SIPA1L2: variants seen among roughly 807,000 people sequenced by gnomAD.
SIPA1L2 encodes the protein signal induced proliferation associated 1 like 2.
Under a neutral mutation model 163.9 loss-of-function variants are expected in SIPA1L2, and 56 were observed. That is an observed-to-expected ratio of 0.34 (90% CI 0.28 to 0.43). SIPA1L2 has a LOEUF of 0.43. SIPA1L2 is among the 20% of genes least tolerant of loss of function. The pLI is 1.00. For synonymous variants in SIPA1L2, 877 were observed against 865.7 expected, an observed-to-expected ratio of 1.01 and a Z score of -0.23; for missense variants, 1,974 against 2,193.5, an observed-to-expected ratio of 0.90 and a Z score of 2.00.
At chr1:232,521,910 G>A (rs1667476088) in intron 2 of SIPA1L2, among the ~76,000 whole-genome samples, 1 of 152,032 alleles carries the variant, frequency 6.6e-6, no homozygotes, top group Admixed American at 6.5e-5. Context: ...GTCCAAAGAT[G>A]TCTCACAGTT....
At chr1:232,486,507 C>G (rs538105752) in intron 5 of SIPA1L2, among the ~76,000 whole-genome samples, 1 of 152,278 alleles carries the variant, frequency 6.6e-6, no homozygotes, top group African/African-American at 2.4e-5. Context: ...CCTCAGATGT[C>G]TTAGGACAGC....
intron 22 of SIPA1L2, among the ~76,000 whole-genome samples, chr1:232,401,583 CAT>C (rs1660344242): frequency 1.3e-5 from 2 of 152,184 alleles, no homozygotes; most frequent in African/African-American, 4.8e-5. Context: ...TGAACACACA[CAT>C]GTGCACACAT....
intron 1 of SIPA1L2, among the ~76,000 whole-genome samples, chr1:232,604,934 C>T (rs542955217): frequency 8.7e-4 from 133 of 152,262 alleles, no homozygotes; most frequent in Non-Finnish European, 1.5e-3. Context: ...TCATGCTTCC[C>T]GTGCAGCCTG....
Position 232,610,464 on chromosome 1 carries a change from G to A in SIPA1L2, c.-319+19405C>T, listed in dbSNP as rs73099526. On this transcript the variant is annotated intron_variant, in intron 1 of 22. Transcript: ENST00000674635. Reference sequence around the variant, plus strand: ...CAAGACACAAAAACTCGGTGCTATGGAAGATGTAAAGAGGGAAATGTGCCT... The same window carrying A: ...CAAGACACAAAAACTCGGTGCTATGAAAGATGTAAAGAGGGAAATGTGCCT... Among the ~76,000 whole-genome samples the A allele has an allele frequency of 8.2e-3, 1,255 of 152,342 alleles. 18 individuals are homozygous for A. Among genetic ancestry groups the A allele is most frequent in the African/African-American group, 0.027 (1,132 of 41,574 alleles).
intron 13 of SIPA1L2, 90 bp downstream of exon 13, chr1:232,441,678 G>T: frequency 2.7e-6 from 3 of 1,108,128 alleles, no homozygotes; most frequent in Non-Finnish European, 2.7e-6. Flanking sequence ...TTGAATGAGT[G>T]AATGAATAAA....
At chr1:232,584,310 CG>C (rs1371554363) in intron 1 of SIPA1L2, among the ~76,000 whole-genome samples, 4 of 152,120 alleles carry the variant, frequency 2.6e-5, no homozygotes, top group Non-Finnish European at 4.4e-5. Context: ...CTGCAACCTC[CG>C]CCTCCCAGGT....
chr1:232,593,871 T>G (rs1341660234), intron 1 of SIPA1L2, among the ~76,000 whole-genome samples: 1 of 152,294 alleles, frequency 6.6e-6, no homozygotes, highest in East Asian at 1.9e-4. Context: ...CTCTTTATAC[T>G]CCGTGGACAT....
intron 1 of SIPA1L2, among the ~76,000 whole-genome samples, chr1:232,599,061 T>C (rs1471854091): frequency 6.6e-6 from 1 of 151,894 alleles, no homozygotes; most frequent in Non-Finnish European, 1.5e-5. Context: ...ATTTCCTTCA[T>C]AACCCCAAAT....
chr1:232,612,614 G>A (rs1452812529), intron 1 of SIPA1L2, among the ~76,000 whole-genome samples: 1 of 152,100 alleles, frequency 6.6e-6, no homozygotes, highest in East Asian at 1.9e-4. Flanking sequence ...CCTTTGTTTT[G>A]GTCAGTTTCT....
chr1:232,438,350 T>A (rs552121621), intron 15 of SIPA1L2, among the ~76,000 whole-genome samples: 8 of 152,110 alleles, frequency 5.3e-5, no homozygotes, highest in Non-Finnish European at 1.0e-4. Flanking sequence ...AGCAGAAAAA[T>A]GACAGTGGTA....
At chr1:232,406,401 C>T (rs1234679887) in intron 19 of SIPA1L2, among the ~76,000 whole-genome samples, 3 of 152,198 alleles carry the variant, frequency 2.0e-5, no homozygotes, top group African/African-American at 4.8e-5. Flanking sequence ...AACAATCCAT[C>T]CTTTAAAATA....
chr1:232,575,680 C>T (rs1489206823), intron 1 of SIPA1L2, among the ~76,000 whole-genome samples: 3 of 152,104 alleles, frequency 2.0e-5, no homozygotes, highest in African/African-American at 7.2e-5. Context: ...GGGCATACAG[C>T]CAAAAGAACT....
intron 2 of SIPA1L2, among the ~76,000 whole-genome samples, chr1:232,524,499 C>G (rs1667601304): frequency 6.6e-6 from 1 of 152,080 alleles, no homozygotes; most frequent in Non-Finnish European, 1.5e-5. Context: ...TGTTCAAATA[C>G]TCTACATCTG....
chr1:232,427,275 C>T (rs1441883733), intron 17 of SIPA1L2, among the ~76,000 whole-genome samples: 1 of 152,212 alleles, frequency 6.6e-6, no homozygotes, highest in Non-Finnish European at 1.5e-5. Context: ...TCCTCACACA[C>T]CACCAGCAGG....
At chr1:232,477,491 C>A (rs1247308607) in intron 7 of SIPA1L2, among the ~76,000 whole-genome samples, 1 of 152,174 alleles carries the variant, frequency 6.6e-6, no homozygotes, top group East Asian at 1.9e-4. Flanking sequence ...CTGTTCTGGG[C>A]ACACAGGGAC....
Position 232,402,417 on chromosome 1 carries a change from C to A in SIPA1L2, c.4997G>T (p.Arg1666Leu). The change falls in exon 22 of 23, where the codon CGA becomes CTA. Residue 1666 changes from arginine to leucine, a missense_variant. Coordinates refer to ENST00000674635, the MANE Select transcript of SIPA1L2 (RefSeq NM_020808.5). ...CTTCCGAAGGTCGGTCTGGAGTTGT[C>A]GAAGAATTAATTCCAGCTGATTGAC... ...GKVNQLELIL[R>L]QLQTDLRKEK... 6.2e-7 allele frequency: 1 copy of A among 1,613,472 alleles called. No individual in the cohort carries two copies. The highest frequency in any genetic ancestry group is 8.5e-7 in the Non-Finnish European group (1 of 1,179,580).
intron 9 of SIPA1L2, chr1:232,462,528 T>C: frequency 4.2e-6 from 2 of 480,440 alleles, no homozygotes; most frequent in South Asian, 7.8e-5. Flanking sequence ...GCATGACAGT[T>C]CACGACTCAG....
At chr1:232,402,333 T>A in intron 22 of SIPA1L2, 59 bp downstream of exon 22, 1 of 1,499,648 alleles carries the variant, frequency 6.7e-7, no homozygotes, top group Non-Finnish European at 9.2e-7. Flanking sequence ...TCTGTAGTAG[T>A]TATAAGGGGC....
chr1:232,466,319 T>A (rs1220430589), intron 8 of SIPA1L2, among the ~76,000 whole-genome samples: 1 of 152,206 alleles, frequency 6.6e-6, no homozygotes, highest in Non-Finnish European at 1.5e-5. Flanking sequence ...AAATGAAGGT[T>A]TTATGGGAGC....
Sources: gnomAD v4.1 joint callset for allele counts (sites outside exome capture counted in the v4.1 genomes callset) on GRCh38, gnomAD v4.1.1 for gene constraint, MANE v1.5 for transcripts, NCBI Gene and HGNC (gene_info 2026-07-23, HGNC 2026-07-21) for gene names.